Variants in KCNQ5 observed in about 807,000 individuals in gnomAD.
KCNQ5 encodes the protein potassium voltage-gated channel subfamily Q member 5, also known as potassium voltage-gated channel subfamily KQT member 5.
Under a neutral mutation model 98.2 loss-of-function variants are expected in KCNQ5, and 30 were observed. The ratio of observed to expected loss-of-function variants is 0.31; its 90% CI spans 0.23 to 0.41. The LOEUF is 0.41. Ranked by LOEUF, KCNQ5 falls within the 10% of genes least tolerant of loss-of-function variation. The probability of loss-of-function intolerance (pLI) is 1.00; values close to 1 mark genes in which losing one functional copy is unlikely to be tolerated. For synonymous variants in KCNQ5, 458 were observed against 449.4 expected, an observed-to-expected ratio of 1.02 and a Z score of -0.24; for missense variants, 835 against 1,182.5, an observed-to-expected ratio of 0.71 and a Z score of 4.31.
chr6:72,745,544 C>G (rs574622085), intron 1 of KCNQ5, among the ~76,000 whole-genome samples: 13 of 152,312 alleles, frequency 8.5e-5, no homozygotes, highest in African/African-American at 2.4e-4. Context: ...TGCAGCCATA[C>G]TTTCCTCAAA....
chr6:73,145,750 T>C (rs1382464507), intron 10 of KCNQ5, among the ~76,000 whole-genome samples: 1 of 152,216 alleles, frequency 6.6e-6, no homozygotes, highest in Non-Finnish European at 1.5e-5. Flanking sequence ...ATTAGTTTTT[T>C]CGCACACTGC....
chr6:73,157,404 A>T (rs886976301), intron 10 of KCNQ5: 3 of 590,580 alleles, frequency 5.1e-6, no homozygotes, highest in Admixed American at 2.8e-5. Flanking sequence ...TCTGGGGGGC[A>T]GCGGCAGCTC....
chr6:72,784,203 A>G (rs543246735), intron 1 of KCNQ5, among the ~76,000 whole-genome samples: 2 of 152,142 alleles, frequency 1.3e-5, no homozygotes, highest in South Asian at 4.1e-4. Context: ...TCAAGATGTG[A>G]AGGAGCTGCA....
chr6:73,162,254 A>G (rs1777644034), intron 10 of KCNQ5, among the ~76,000 whole-genome samples: 2 of 152,076 alleles, frequency 1.3e-5, no homozygotes, highest in Admixed American at 1.3e-4. Flanking sequence ...ATGTCAGGGA[A>G]CAGAGTACTT....
At chr6:73,121,698 C>T (rs1036735749) in intron 8 of KCNQ5, among the ~76,000 whole-genome samples, 6 of 152,194 alleles carry the variant, frequency 3.9e-5, no homozygotes, top group Non-Finnish European at 7.3e-5. Context: ...GCTGAGGAAA[C>T]CTCCATGACA....
At chr6:72,926,296 A>T (rs900242748) in intron 1 of KCNQ5, among the ~76,000 whole-genome samples, 4 of 152,196 alleles carry the variant, frequency 2.6e-5, no homozygotes. Flanking sequence ...GAATCAGCTC[A>T]TGAAAAGTTA....
chr6:73,020,303 G>A (rs150629529), intron 2 of KCNQ5, among the ~76,000 whole-genome samples: 1 of 151,950 alleles, frequency 6.6e-6, no homozygotes, highest in East Asian at 1.9e-4. Context: ...TTCTCCTTGG[G>A]CTCAATTAAT....
At chr6:72,941,965 T>C (rs1766334042) in intron 1 of KCNQ5, among the ~76,000 whole-genome samples, 2 of 152,264 alleles carry the variant, frequency 1.3e-5, no homozygotes, top group South Asian at 4.1e-4. Flanking sequence ...TAAGGGCATA[T>C]GTCTGAAACA....
chr6:72,697,935 A>G (rs1768584168), intron 1 of KCNQ5, among the ~76,000 whole-genome samples: 2 of 152,140 alleles, frequency 1.3e-5, no homozygotes, highest in Non-Finnish European at 2.9e-5. Flanking sequence ...AAGTGTATCA[A>G]CTGGGGACGG....
chr6:72,790,104 T>C (rs1379907872), intron 1 of KCNQ5, among the ~76,000 whole-genome samples: 1 of 152,204 alleles, frequency 6.6e-6, no homozygotes, highest in African/African-American at 2.4e-5. Context: ...AAATGTTGTT[T>C]TAAATATTAA....
chr6:72,657,202 C>G (rs543898475), intron 1 of KCNQ5, among the ~76,000 whole-genome samples: 2 of 152,010 alleles, frequency 1.3e-5, no homozygotes, highest in South Asian at 2.1e-4. Flanking sequence ...AGAGCAAGAC[C>G]CTGCCTCTAA....
chr6:72,727,784 G>A (rs996146246), intron 1 of KCNQ5, among the ~76,000 whole-genome samples: 1 of 123,522 alleles, frequency 8.1e-6, no homozygotes. Flanking sequence ...CCTTCAGCTG[G>A]GCTTGGCCTC....
intron 1 of KCNQ5, among the ~76,000 whole-genome samples, chr6:72,996,858 A>G (rs558345752): frequency 6.0e-4 from 92 of 152,342 alleles, no homozygotes; most frequent in Non-Finnish European, 9.7e-4. Flanking sequence ...ACATAATTTC[A>G]TATACAAAGT....
At chr6:72,898,804 G>T (rs1204331167) in intron 1 of KCNQ5, among the ~76,000 whole-genome samples, 2 of 152,156 alleles carry the variant, frequency 1.3e-5, no homozygotes, top group African/African-American at 2.4e-5. Flanking sequence ...GTGTAAAAGG[G>T]TTCCTATTTC....
intron 2 of KCNQ5, among the ~76,000 whole-genome samples, chr6:73,035,375 T>C (rs1391063149): frequency 6.6e-6 from 1 of 152,188 alleles, no homozygotes; most frequent in Non-Finnish European, 1.5e-5. Flanking sequence ...TAACATCAAG[T>C]TTCCACTACA....
At chr6:72,902,864 G>A (rs1562057644) in intron 1 of KCNQ5, among the ~76,000 whole-genome samples, 1 of 152,102 alleles carries the variant, frequency 6.6e-6, no homozygotes. Context: ...ATAGAATGAT[G>A]TAGGGAGGAT....
intron 1 of KCNQ5, among the ~76,000 whole-genome samples, chr6:72,811,363 T>C (rs913762918): frequency 6.6e-6 from 1 of 152,174 alleles, no homozygotes; most frequent in Non-Finnish European, 1.5e-5. Context: ...TTCTGAATTC[T>C]AGAGAGTAAA....
intron 1 of KCNQ5, among the ~76,000 whole-genome samples, chr6:72,668,473 G>A (rs1292387389): frequency 6.6e-6 from 1 of 152,118 alleles, no homozygotes; most frequent in Non-Finnish European, 1.5e-5. Flanking sequence ...CTGTGTGTGT[G>A]TGTGTGTTTT....
At chr6:72,806,876 A>G (rs766883472) in intron 1 of KCNQ5, 7 of 442,846 alleles carry the variant, frequency 1.6e-5, no homozygotes, top group South Asian at 1.1e-4. Context: ...TTTCTCCCAT[A>G]TGAGAATAAG....
Sources: allele counts gnomAD v4.1 joint callset (sites outside exome capture counted in the v4.1 genomes callset), GRCh38; gene constraint gnomAD v4.1.1; transcripts MANE v1.5; gene names NCBI Gene and HGNC (gene_info 2026-07-23, HGNC 2026-07-21).